MAPK10: variants seen among roughly 807,000 people sequenced by gnomAD.
MAPK10 encodes mitogen-activated protein kinase 10.
A neutral mutation model predicts 59.3 loss-of-function variants in MAPK10; 25 were observed. That is an observed-to-expected ratio of 0.42 (90% confidence interval 0.31 to 0.59). The LOEUF is 0.59. Among genes scored for constraint, MAPK10 ranks in the 20% least tolerant of loss-of-function variants. MAPK10 has a pLI of 0.15. For missense variants in MAPK10, 351 were observed against 568.9 expected, an observed-to-expected ratio of 0.62 and a Z score of 3.90; for synonymous variants, 190 against 200.5, an observed-to-expected ratio of 0.95 and a Z score of 0.44.
At chr4:86,449,032 G>A (rs949270154) in intron 1 of MAPK10, among the ~76,000 whole-genome samples, 3 of 152,048 alleles carry the variant, frequency 2.0e-5, no homozygotes, top group Admixed American at 1.3e-4. Context: ...GAGCTCAGGC[G>A]GTAATGCAAG....
chr4:86,174,524 A>G (rs1243875383), intron 3 of MAPK10, among the ~76,000 whole-genome samples: 5 of 152,168 alleles, frequency 3.3e-5, no homozygotes, highest in Non-Finnish European at 5.9e-5. Context: ...GGGTGGGTTG[A>G]TAGGTGCAGG....
At chr4:86,098,385 A>C in intron 9 of MAPK10, 139 bp downstream of exon 9, 1 of 1,314,784 alleles carries the variant, frequency 7.6e-7, no homozygotes, top group Non-Finnish European at 1.0e-6. Context: ...CAGATTATAG[A>C]AATTATCACT....
intron 2 of MAPK10, among the ~76,000 whole-genome samples, chr4:86,227,029 A>AATAACAT (rs1213937213): frequency 6.6e-6 from 1 of 152,206 alleles, no homozygotes; most frequent in African/African-American, 2.4e-5. Context: ...TATGTCCAAT[A>AATAACAT]ATAACATATT....
Position 86,017,277 on chromosome 4 carries a change from G to C in MAPK10, c.1346C>G (p.Thr449Ser). 6.2e-7 allele frequency: 1 copy of C among 1,614,192 alleles called. No individual in the cohort carries two copies. The highest frequency in any genetic ancestry group is 8.5e-7 in the Non-Finnish European group (1 of 1,180,018). ...TGCCGAGGCTTCCAGGCTGCTGTCA[G>C]TGTCAGATGCCAGGGTCTGGTCGGT... is the stretch of plus-strand genomic sequence containing the variant. ...MSTDQTLASD[T>S]DSSLEASAGP... is the part of the protein sequence containing the mutation. The change falls in exon 14 of 14, where the codon ACT (threonine) becomes AGT (serine). Residue 449 changes from threonine to serine, a missense_variant. Transcript: ENST00000641462. This position sits in a 1 kb window ranked among gnomAD's most constrained non-coding sequence, Gnocchi z 4.4.
In MAPK10 at chr4:86,303,288, A is replaced by C. The variant is rs918105524; in HGVS notation, c.-7+51242T>G. Among the ~76,000 whole-genome samples, 18 of 152,286 alleles carry C rather than the reference A, an allele frequency of 1.2e-4. 1 individual carries two copies. The Middle Eastern group carries it at 0.041, about 345-fold the overall frequency. On this transcript the variant is annotated intron_variant, in intron 2 of 13. Coordinates refer to ENST00000641462, the MANE Select transcript of MAPK10 (RefSeq NM_138982.4). ...ATCATTTTGTTTTTTGCTCTAAGTA[A>C]CCAATTCCCCCTTATCAACAATTGC...
At chr4:86,343,358 G>C (rs1022444839) in intron 2 of MAPK10, among the ~76,000 whole-genome samples, 9 of 152,134 alleles carry the variant, frequency 5.9e-5, no homozygotes, top group Admixed American at 5.2e-4. Flanking sequence ...CCAGAGTCAG[G>C]TTCTATGTCA....
At chr4:86,158,961 C>T (rs1459545659) in intron 4 of MAPK10, 1 of 180,412 alleles carries the variant, frequency 5.5e-6, no homozygotes, top group Admixed American at 6.2e-5. Context: ...GACATGTCCC[C>T]TCATTTCTTG....
intron 3 of MAPK10, among the ~76,000 whole-genome samples, chr4:86,174,817 G>A (rs1395247669): frequency 6.6e-6 from 1 of 152,084 alleles, no homozygotes; most frequent in Non-Finnish European, 1.5e-5. Flanking sequence ...ACTGCAGTAT[G>A]TTCTTCATTC....
chr4:86,409,608 G>A, intron 1 of MAPK10, among the ~76,000 whole-genome samples: 1 of 152,212 alleles, frequency 6.6e-6, no homozygotes, highest in Middle Eastern at 3.4e-3. Flanking sequence ...CCTTGAAGAG[G>A]TCCTTCGCAT....
chr4:86,237,711 A>G (rs1006496254), intron 2 of MAPK10, among the ~76,000 whole-genome samples: 3 of 151,820 alleles, frequency 2.0e-5, no homozygotes, highest in Non-Finnish European at 4.4e-5. Flanking sequence ...TTTTTATTGT[A>G]AATGTTTAAG....
At chr4:86,160,670 A>C (rs2069296189) in intron 3 of MAPK10, among the ~76,000 whole-genome samples, 1 of 139,232 alleles carries the variant, frequency 7.2e-6, no homozygotes, top group South Asian at 2.6e-4. Flanking sequence ...CACATACCTC[A>C]CAACTTGTGA....
At chr4:86,378,707 C>A (rs1193954966) in intron 1 of MAPK10, among the ~76,000 whole-genome samples, 1 of 152,170 alleles carries the variant, frequency 6.6e-6, no homozygotes, top group African/African-American at 2.4e-5. Flanking sequence ...GCGAAGATAT[C>A]ATTCAGTCAC....
intron 2 of MAPK10, among the ~76,000 whole-genome samples, chr4:86,239,789 CAA>C (rs796334122): frequency 9.2e-5 from 12 of 130,252 alleles, no homozygotes; most frequent in South Asian, 2.4e-4. Flanking sequence ...TTAATTTTTT[CAA>C]AAAAAAAAAA....
chr4:86,120,725 C>T (rs562340731), intron 4 of MAPK10: 17 of 152,168 alleles, frequency 1.1e-4, no homozygotes, highest in Admixed American at 3.9e-4. Flanking sequence ...TTTATCTAGT[C>T]GATGTTTTAG....
intron 10 of MAPK10, among the ~76,000 whole-genome samples, chr4:86,066,316 A>T (rs1048403537): frequency 6.6e-6 from 1 of 152,174 alleles, no homozygotes; most frequent in Non-Finnish European, 1.5e-5. Context: ...AATTTTTCTC[A>T]TTGCCAATGG....
intron 9 of MAPK10, among the ~76,000 whole-genome samples, chr4:86,069,620 T>A (rs191991180): frequency 1.3e-3 from 193 of 152,226 alleles, no homozygotes; most frequent in Non-Finnish European, 2.5e-3. Flanking sequence ...TTAGTGTAGT[T>A]AAATAAAACC....
At chr4:86,472,240 G>A (rs1752716429) in intron 1 of MAPK10, among the ~76,000 whole-genome samples, 1 of 152,094 alleles carries the variant, frequency 6.6e-6, no homozygotes, top group African/African-American at 2.4e-5. Context: ...TTGATATTAT[G>A]TATTCTACAA....
chr4:86,036,691 T>C (rs1050588141), intron 11 of MAPK10, among the ~76,000 whole-genome samples: 1 of 152,228 alleles, frequency 6.6e-6, no homozygotes, highest in Non-Finnish European at 1.5e-5. Context: ...AAACAATATT[T>C]AAAGTGAACA....
chr4:86,226,168 T>A lies in MAPK10; in HGVS notation c.-6-31761A>T, dbSNP rs1054423574. 2.6e-5 allele frequency among the ~76,000 whole-genome samples: 4 copies of A among 152,330 alleles called. No individual in the cohort carries two copies. The South Asian group carries it at 6.2e-4, about 24-fold the overall frequency. On this transcript the variant is annotated intron_variant, in intron 2 of 13. Coordinates refer to ENST00000641462, the MANE Select transcript of MAPK10 (RefSeq NM_138982.4). ...TTTCAGCATCTGCTGACACACTTGGTTCTCAATGAAGCAAGCCTGGCAGGC... is the reference window on the plus strand; with the variant it reads ...TTTCAGCATCTGCTGACACACTTGGATCTCAATGAAGCAAGCCTGGCAGGC...
Sources: allele counts gnomAD v4.1 joint callset (sites outside exome capture counted in the v4.1 genomes callset), GRCh38; gene constraint gnomAD v4.1.1; non-coding constraint Gnocchi (gnomAD v3.1); transcripts MANE v1.5; gene names NCBI Gene and HGNC (gene_info 2026-07-23, HGNC 2026-07-21).